The following MYH15 variants were observed in gnomAD, a reference collection of about 807,000 sequenced individuals.
MYH15 encodes myosin heavy chain 15.
In MYH15, 227 loss-of-function variants were observed where a neutral mutation model predicts 240.5. The observed-to-expected ratio is 0.94, with a 90% confidence interval of 0.85 to 1.05. The LOEUF is 1.05. Among genes scored for constraint, MYH15 ranks in the 50% least tolerant of loss-of-function variants. The probability of loss-of-function intolerance (pLI) is 0.00; values close to 1 mark genes in which losing one functional copy is unlikely to be tolerated. For synonymous variants in MYH15, 785 were observed against 796.7 expected, an observed-to-expected ratio of 0.99 and a Z score of 0.25; for missense variants, 2,217 against 2,247.5, an observed-to-expected ratio of 0.99 and a Z score of 0.27.
intron 9 of MYH15, among the ~76,000 whole-genome samples, chr3:108,491,340 T>C (rs138069023): frequency 6.6e-6 from 1 of 152,338 alleles, no homozygotes; most frequent in Non-Finnish European, 1.5e-5. Context: ...TAATAAATAT[T>C]TGTTGAATAA....
intron 20 of MYH15, 126 bp from the exon 21 acceptor site, chr3:108,454,268 T>C (rs1262534044): frequency 3.6e-6 from 3 of 825,174 alleles, no homozygotes; most frequent in Non-Finnish European, 3.5e-6. Context: ...TTGTAAGTTT[T>C]ATTTAATGTG....
At chr3:108,477,701 C>T (rs1330896565) in intron 11 of MYH15, among the ~76,000 whole-genome samples, 1 of 152,128 alleles carries the variant, frequency 6.6e-6, no homozygotes, top group African/African-American at 2.4e-5. Context: ...TGTAAAACAC[C>T]CTTCCTTTCC....
chr3:108,441,409 C>A, intron 22 of MYH15, 149 bp from the exon 23 acceptor site: 1 of 888,080 alleles, frequency 1.1e-6, no homozygotes, highest in Non-Finnish European at 1.7e-6. Flanking sequence ...CAATAATATT[C>A]CCAGGTCCCT....
At chr3:108,491,570 G>T (rs952045604) in intron 9 of MYH15, among the ~76,000 whole-genome samples, 2 of 151,652 alleles carry the variant, frequency 1.3e-5, no homozygotes, top group Non-Finnish European at 1.5e-5. Context: ...TTAGATCACT[G>T]TCTTGTCATC....
At chr3:108,486,695 A>G (rs2083308710) in intron 9 of MYH15, among the ~76,000 whole-genome samples, 169 bp from the exon 10 acceptor site, 1 of 152,232 alleles carries the variant, frequency 6.6e-6, no homozygotes, top group Admixed American at 6.5e-5. Context: ...TTTGCCCTCT[A>G]TTAACTTGTC....
intron 11 of MYH15, among the ~76,000 whole-genome samples, chr3:108,480,240 A>G (rs900616730): frequency 6.6e-6 from 1 of 152,210 alleles, no homozygotes; most frequent in African/African-American, 2.4e-5. Flanking sequence ...GAAGGATGAC[A>G]AGAGTTTTTG....
chr3:108,428,010 T>C (rs2082739688), intron 27 of MYH15, among the ~76,000 whole-genome samples: 1 of 152,232 alleles, frequency 6.6e-6, no homozygotes, highest in African/African-American at 2.4e-5. Flanking sequence ...GAACATGTGA[T>C]GAACCTTTCT....
intron 11 of MYH15, among the ~76,000 whole-genome samples, chr3:108,482,775 T>C (rs1445246882): frequency 2.0e-5 from 3 of 152,158 alleles, no homozygotes; most frequent in African/African-American, 7.2e-5. Flanking sequence ...TGTATGGAAC[T>C]TGTTACGTAT....
rs557726205 is a variant in MYH15 at position 108,425,850 on chromosome 3, G to A, written c.3702+2642C>T. 4.6e-5 allele frequency among the ~76,000 whole-genome samples: 7 copies of A among 152,288 alleles called. No homozygotes were observed. The South Asian group carries it at 1.2e-3, about 27-fold the overall frequency. Reference sequence around the variant, plus strand: ...ATAGTTGGATGGCTGTGATTACAATGCTGGTAGTAAAACAGACAGTAAAGG... The same window carrying A: ...ATAGTTGGATGGCTGTGATTACAATACTGGTAGTAAAACAGACAGTAAAGG... On this transcript the variant is annotated intron_variant, in intron 27 of 40. Coordinates refer to ENST00000693548, the MANE Select transcript of MYH15 (RefSeq NM_014981.3).
Position 108,410,826 on chromosome 3 carries a change from C to G in MYH15, c.4252G>C (p.Gly1418Arg), listed in dbSNP as rs368538771. 9 of 1,613,904 alleles carry G rather than the reference C, an allele frequency of 5.6e-6. No homozygotes were observed. In the Admixed American group the frequency reaches 6.7e-5, roughly 12 times the overall value. Residue 1418 changes from glycine to arginine, a missense_variant, in exon 31 of 41, where the codon GGG (glycine) becomes CGG (arginine). Coordinates refer to ENST00000693548, the MANE Select transcript of MYH15 (RefSeq NM_014981.3). ...RARHQLQLELGDALSDLGKVR... is the reference protein window; with the variant it reads ...RARHQLQLELRDALSDLGKVR... The stretch of plus-strand genomic sequence containing the variant: ...TTCCCGAGGTCAGACAGGGCGTCCC[C>G]GAGCTCCAGCTGCAGCTGGTGCCTG...
At chr3:108,419,126 A>AT (rs1412833599) in intron 28 of MYH15, among the ~76,000 whole-genome samples, 1 of 152,234 alleles carries the variant, frequency 6.6e-6, no homozygotes, top group Non-Finnish European at 1.5e-5. Context: ...CATCACGTAT[A>AT]TATCACATTT....
the MYH15 span, among the ~76,000 whole-genome samples, chr3:108,539,605 A>G: frequency 6.6e-6 from 1 of 152,204 alleles, no homozygotes; most frequent in South Asian, 2.1e-4. Context: ...ATTACATAAA[A>G]TAGGAAAATA....
chr3:108,404,331 A>C (rs1032258758), intron 33 of MYH15, among the ~76,000 whole-genome samples: 1 of 152,134 alleles, frequency 6.6e-6, no homozygotes, highest in Non-Finnish European at 1.5e-5. Context: ...CTTTTTCTTA[A>C]AAAAAGACTG....
chr3:108,512,595 A>G (rs1297349467), upstream of MYH15, among the ~76,000 whole-genome samples: 1 of 152,204 alleles, frequency 6.6e-6, no homozygotes, highest in Non-Finnish European at 1.5e-5. Flanking sequence ...CTGTCTGAGT[A>G]GTGAGAGAAG....
chr3:108,439,997 CA>C, intron 23 of MYH15, 84 bp from the exon 24 acceptor site: 2 of 1,209,204 alleles, frequency 1.7e-6, no homozygotes, highest in South Asian at 1.9e-5. Flanking sequence ...TTCTGTCGTC[CA>C]AAACTACGCA....
At position 108,428,809 on chromosome 3, in the gene MYH15, C is replaced by T. The variant is rs999832007; in HGVS notation, c.3385G>A (p.Ala1129Thr). 12 of 1,614,038 alleles carry T rather than the reference C, an allele frequency of 7.4e-6. No individual in the cohort carries two copies. Among genetic ancestry groups the T allele is most frequent in the African/African-American group, 2.7e-5 (2 of 75,010 alleles). The change falls in exon 27 of 41, where the codon GCT becomes ACT. Residue 1129 changes from alanine (A) to threonine (T), a missense_variant. By Grantham distance (58) the Ala-to-Thr change is moderately conservative. Coordinates refer to ENST00000693548, the MANE Select transcript of MYH15 (RefSeq NM_014981.3). ...TCAGCCAGGTCTTGGGTGAGGTCAG[C>T]TCTCTCCCTTTCCATCTTGGCTCGA... ...TTRAKMERER[A>T]DLTQDLADLN...
intron 12 of MYH15, among the ~76,000 whole-genome samples, chr3:108,474,640 C>T (rs1368829161): frequency 2.0e-5 from 3 of 152,008 alleles, no homozygotes; most frequent in African/African-American, 7.2e-5. Flanking sequence ...ATATTAGAAA[C>T]ATTCCAAATC....
chr3:108,548,449 A>T, the MYH15 span, among the ~76,000 whole-genome samples: 56 of 152,244 alleles, frequency 3.7e-4, no homozygotes, highest in African/African-American at 1.3e-3. Context: ...TTTGTTACTA[A>T]AGTTTGAATG....
At position 108,492,491 on chromosome 3, in the gene MYH15, T is replaced by C. The variant is rs745643810; in HGVS notation, c.871+9A>G. 6.3e-7 allele frequency: 1 copy of C among 1,594,244 alleles called. No individual in the cohort carries two copies. Among genetic ancestry groups the C allele is most frequent in the Admixed American group, 1.7e-5 (1 of 59,884 alleles). On this transcript the variant is annotated intron_variant, in intron 9 of 40. Transcript: ENST00000693548. ...GGAATAACCCTAAGCTCCAGAATCC[T>C]ACACTTACCATGAAGCTCTTTTTGT...
Sources: gnomAD v4.1 joint callset for allele counts (sites outside exome capture counted in the v4.1 genomes callset) on GRCh38, gnomAD v4.1.1 for gene constraint, MANE v1.5 for transcripts, NCBI Gene and HGNC (gene_info 2026-07-23, HGNC 2026-07-21) for gene names.